The following CHRDL1 variants were observed in gnomAD, a reference collection of about 807,000 sequenced individuals.
CHRDL1 encodes chordin-like protein 1.
Under a neutral mutation model 40.9 loss-of-function variants are expected in CHRDL1, and 19 were observed. The observed-to-expected ratio is 0.46, with a 90% CI of 0.32 to 0.68. The LOEUF (loss-of-function observed/expected upper bound fraction) is 0.68, where lower values mean the gene tolerates loss of function less well. Ranked by LOEUF, CHRDL1 falls within the 30% of genes least tolerant of loss-of-function variation. CHRDL1 has a pLI of 0.03. For missense variants in CHRDL1, 329 were observed against 352.1 expected (o/e 0.93, Z 0.53); for synonymous variants, 136 against 123.4 (o/e 1.10, Z -0.68).
intron 4 of CHRDL1, among the ~76,000 whole-genome samples, chrX:110,724,933 A>C (rs197024): frequency 0.11 from 11,937 of 111,591 alleles, 1,565 homozygotes; most frequent in African/African-American, 0.37. Flanking sequence ...GGGCTAGTAA[A>C]CAAATATCCT....
chrX:110,698,737 A>G (rs1181553788), intron 7 of CHRDL1, among the ~76,000 whole-genome samples: 1 of 112,578 alleles, frequency 8.9e-6, no homozygotes, highest in African/African-American at 3.2e-5. Context: ...AATGAAGTCA[A>G]GAAGAAAGGC....
In CHRDL1 at chrX:110,719,893, G is replaced by C. The variant is rs758220418; in HGVS notation, c.483C>G (p.Pro161=). The change falls in exon 6 of 12, where the codon CCC becomes CCG. Residue 161 remains proline, a synonymous_variant. Coordinates refer to ENST00000372042, the MANE Select transcript of CHRDL1 (RefSeq NM_001143981.2). ...AGACTGGGAAGGCACAGGTTAATTT[G>C]GGGCAAGTCTTGAGACCACAATACA... ...GNVYCGLKTC[P]KLTCAFPVSV... 8.3e-7 allele frequency: 1 copy of C among 1,202,357 alleles called. No homozygotes were observed. Among genetic ancestry groups the C allele is most frequent in the African/African-American group, 1.8e-5 (1 of 56,552 alleles).
At position 110,686,811 on chromosome X, in the gene CHRDL1, G is replaced by A. The variant is rs747364545; in HGVS notation, c.988+1783C>T. Among the ~76,000 whole-genome samples, 10 of 104,696 alleles carry A rather than the reference G, an allele frequency of 9.6e-5. No individual in the cohort carries two copies. The South Asian group carries it at 3.9e-3, about 41-fold the overall frequency. The allele number at this position is 104,696 out of a possible 115,157, so 90.9% of individuals were successfully genotyped here. ...AGAATAACTTGAACCGGGAGGTGGA[G>A]GTTGCAAGGTTGCAGTGAGCCGAGA... On this transcript the variant is annotated intron_variant, in intron 9 of 11. Coordinates refer to ENST00000372042, the MANE Select transcript of CHRDL1 (RefSeq NM_001143981.2).
intron 6 of CHRDL1, among the ~76,000 whole-genome samples, chrX:110,711,617 A>G (rs2070748014): frequency 8.9e-6 from 1 of 112,013 alleles, no homozygotes; most frequent in African/African-American, 3.2e-5. Flanking sequence ...GAGAATCTAT[A>G]TTTGGATTTG....
intron 6 of CHRDL1, among the ~76,000 whole-genome samples, chrX:110,701,456 A>G (rs1227780864): frequency 8.9e-6 from 1 of 111,871 alleles, no homozygotes; most frequent in African/African-American, 3.3e-5. Context: ...TTATAAGATA[A>G]CCAGAAACAC....
intron 4 of CHRDL1, among the ~76,000 whole-genome samples, chrX:110,755,655 T>G (rs1403064237): frequency 1.8e-5 from 2 of 112,197 alleles, no homozygotes; most frequent in Non-Finnish European, 3.8e-5. Context: ...GTTTGCTTAT[T>G]TGTCGTCTTT....
In CHRDL1 at chrX:110,696,708, C is replaced by T. The variant is rs888988101; in HGVS notation, c.610-2377G>A. Among the ~76,000 whole-genome samples the T allele has an allele frequency of 2.9e-4, 32 of 111,392 alleles. 1 individual carries two copies. The highest frequency in any genetic ancestry group is 8.5e-4 in the African/African-American group (26 of 30,532). On this transcript the variant is annotated intron_variant, in intron 7 of 11. Coordinates refer to ENST00000372042, the MANE Select transcript of CHRDL1 (RefSeq NM_001143981.2). ...ACTTTGGCTATACACTAAAATCACC[C>T]GGTGAGCTGTAAAAAATACTCATAC...
At chrX:110,764,560 G>C (rs905384850) in intron 2 of CHRDL1, among the ~76,000 whole-genome samples, 2 of 112,019 alleles carry the variant, frequency 1.8e-5, no homozygotes, top group South Asian at 7.5e-4. Flanking sequence ...TGTAAAACAT[G>C]TGGGTTTGAA....
At chrX:110,768,196 G>T (rs1394574649) in intron 2 of CHRDL1, among the ~76,000 whole-genome samples, 1 of 112,132 alleles carries the variant, frequency 8.9e-6, no homozygotes, top group Non-Finnish European at 1.9e-5. Context: ...TCTATGATTG[G>T]CTTTGCCTAC....
chrX:110,789,325 T>C (rs2090063777), intron 2 of CHRDL1, among the ~76,000 whole-genome samples: 2 of 112,022 alleles, frequency 1.8e-5, no homozygotes, highest in African/African-American at 6.5e-5. Flanking sequence ...TGGACTTTCA[T>C]ACATAGATGG....
At chrX:110,725,919 G>A (rs887320468) in intron 4 of CHRDL1, among the ~76,000 whole-genome samples, 2 of 111,517 alleles carry the variant, frequency 1.8e-5, no homozygotes, top group African/African-American at 6.5e-5. Flanking sequence ...CTGGAGAAGG[G>A]ACATGGAAAT....
chrX:110,753,500 T>A (rs1421888342), intron 4 of CHRDL1, among the ~76,000 whole-genome samples: 3 of 111,975 alleles, frequency 2.7e-5, no homozygotes, highest in Non-Finnish European at 5.6e-5. Flanking sequence ...TTGTACAATA[T>A]TGTAAATGTT....
intron 4 of CHRDL1, among the ~76,000 whole-genome samples, chrX:110,740,908 T>A (rs899003637): frequency 1.8e-5 from 2 of 112,503 alleles, no homozygotes; most frequent in African/African-American, 6.5e-5. Context: ...TTTATTTACA[T>A]ACTGCCTATG....
At chrX:110,690,492 A>C (rs2070253627) in intron 8 of CHRDL1, among the ~76,000 whole-genome samples, 1 of 110,511 alleles carries the variant, frequency 9.0e-6, no homozygotes, top group Non-Finnish European at 1.9e-5. Context: ...CAGGCATGAA[A>C]ATTTCCTTGG....
intron 1 of CHRDL1, among the ~76,000 whole-genome samples, chrX:110,794,137 A>G (rs1176754388): frequency 1.8e-5 from 2 of 111,881 alleles, no homozygotes; most frequent in Non-Finnish European, 3.8e-5. Flanking sequence ...ATTTCTCTTT[A>G]TCTCTTCAGC....
At chrX:110,780,719 G>C (rs1481115534) in intron 2 of CHRDL1, among the ~76,000 whole-genome samples, 2 of 111,799 alleles carry the variant, frequency 1.8e-5, no homozygotes, top group Non-Finnish European at 3.8e-5. Context: ...CCCATTAGCA[G>C]TGAGTGAGAA....
At chrX:110,693,349 C>T (rs2070317939) in intron 8 of CHRDL1, among the ~76,000 whole-genome samples, 1 of 110,812 alleles carries the variant, frequency 9.0e-6, no homozygotes, top group Non-Finnish European at 1.9e-5. Context: ...ACTCTTTTTC[C>T]TTTTTAAAAT....
In CHRDL1 at chrX:110,676,282, T is replaced by G; in HGVS notation, c.1326A>C (p.Glu442Asp). The G allele has an allele frequency of 8.3e-7, 1 of 1,209,548 alleles. No homozygotes were observed. The highest frequency in any genetic ancestry group is 1.1e-6 in the Non-Finnish European group (1 of 893,531). Reference sequence around the variant, plus strand: ...CCAGGTACAAAACCTTGACTAAATCTTCAAGCTCTGTTCTGCATACACGAC... The same window carrying G: ...CCAGGTACAAAACCTTGACTAAATCGTCAAGCTCTGTTCTGCATACACGAC... ...CSSRVCRTEL[E>D]DLVKVLYLER... The change falls in exon 12 of 12, where the codon GAA becomes GAC. Residue 442 changes from glutamate (E) to aspartate (D), a missense_variant. Physicochemically the swap from Glu to Asp is conservative, Grantham distance 45. Transcript: ENST00000372042.
chrX:110,708,675 C>A (rs896106889), intron 6 of CHRDL1, among the ~76,000 whole-genome samples: 1 of 111,453 alleles, frequency 9.0e-6, no homozygotes, highest in Non-Finnish European at 1.9e-5. Context: ...ATCATAAATA[C>A]TTACTTTTTA....
Sources: gnomAD v4.1 joint callset for allele counts (sites outside exome capture counted in the v4.1 genomes callset) on GRCh38, gnomAD v4.1.1 for gene constraint, MANE v1.5 for transcripts, NCBI Gene and HGNC (gene_info 2026-07-23, HGNC 2026-07-21) for gene names.